The following CACNA2D2 variants were observed in gnomAD, a reference collection of about 807,000 sequenced individuals.
The protein encoded by CACNA2D2 is voltage-dependent calcium channel subunit alpha-2/delta-2.
CACNA2D2 carries 48 observed loss-of-function variants against 166.4 expected under a neutral mutation model. That is an observed-to-expected ratio of 0.29 (90% CI 0.23 to 0.37). CACNA2D2 has a LOEUF of 0.37. Among genes scored for constraint, CACNA2D2 ranks in the 10% least tolerant of loss-of-function variants. The probability of loss-of-function intolerance (pLI) is 1.00; values close to 1 mark genes in which losing one functional copy is unlikely to be tolerated. For missense variants in CACNA2D2, 1,122 were observed against 1,433.0 expected (o/e 0.78, Z 3.50); for synonymous variants, 561 against 573.7 (o/e 0.98, Z 0.32).
chr3:50,384,309 C>T lies in CACNA2D2; in HGVS notation c.539G>A (p.Arg180Lys), dbSNP rs1253225503. ...CCTTAGGGTGCTGGCCTTAGACCCC[C>T]TTTCCACATCCTCACTCTCAGGGTC... ...LDDPESEDVERGSKASTLRLD... is the reference protein window; with the variant it reads ...LDDPESEDVEKGSKASTLRLD... Residue 180 changes from arginine (R) to lysine (K), a missense_variant, in exon 6 of 38, where the codon AGG becomes AAG. By Grantham distance (26) the Arg-to-Lys change is conservative. Transcript: ENST00000424201. 1.2e-6 allele frequency: 2 copies of T among 1,614,134 alleles called. No individual in the cohort carries two copies. Among genetic ancestry groups the T allele is most frequent in the South Asian group, 1.1e-5 (1 of 91,088 alleles).
intron 1 of CACNA2D2, among the ~76,000 whole-genome samples, chr3:50,499,712 T>A (rs1322341981): frequency 2.0e-5 from 3 of 152,192 alleles, no homozygotes; most frequent in Non-Finnish European, 2.9e-5. Flanking sequence ...TACTCTGGAG[T>A]CAGTCTCTCC....
intron 13 of CACNA2D2, 73 bp downstream of exon 13, chr3:50,378,842 G>T: frequency 2.6e-6 from 4 of 1,547,772 alleles, no homozygotes; most frequent in Non-Finnish European, 3.6e-6. Flanking sequence ...CATATGGATG[G>T]CCAGTTGAAC....
chr3:50,422,258 C>T (rs542298771), intron 3 of CACNA2D2, among the ~76,000 whole-genome samples: 2 of 152,150 alleles, frequency 1.3e-5, no homozygotes, highest in Non-Finnish European at 2.9e-5. Context: ...AACTGCCCAC[C>T]CCAGTTCAGA....
intron 4 of CACNA2D2, among the ~76,000 whole-genome samples, chr3:50,387,817 G>A (rs899746033): frequency 6.6e-5 from 10 of 152,168 alleles, no homozygotes; most frequent in African/African-American, 2.4e-4. Context: ...CCCTGCACAG[G>A]CTCCAGGAGC....
intron 1 of CACNA2D2, among the ~76,000 whole-genome samples, chr3:50,489,693 C>T (rs552742603): frequency 3.7e-4 from 57 of 152,278 alleles, no homozygotes; most frequent in Admixed American, 1.3e-4. Flanking sequence ...CTACTCAACT[C>T]CTGCCCCTTA....
chr3:50,414,200 T>C (rs1275493475), intron 3 of CACNA2D2, among the ~76,000 whole-genome samples: 1 of 151,778 alleles, frequency 6.6e-6, no homozygotes, highest in African/African-American at 2.4e-5. Flanking sequence ...CAGCACACAG[T>C]CATGCCCAAC....
rs10575478 is a variant in CACNA2D2 at position 50,363,466 on chromosome 3, C to CTGTGTGTGTGTG, written c.*1188_*1199dup. 7 of 310,104 alleles carry CTGTGTGTGTGTG rather than the reference C, an allele frequency of 2.3e-5. No homozygotes were observed. Among genetic ancestry groups the CTGTGTGTGTGTG allele is most frequent in the African/African-American group, 1.8e-4 (7 of 39,594 alleles). 19.2% of individuals were successfully genotyped at this position (310,104 alleles called of 1,614,324 possible). On this transcript the variant is annotated 3_prime_UTR_variant, in exon 38 of 38. Transcript: ENST00000424201. ...GTGAAGAGCTGTGCCCAGTCCCCAC[C>CTGTGTGTGTGTG]TGTGTGTGTGTGTGTGTGTGTGTGT...
chr3:50,425,320 C>T (rs1707755771), intron 3 of CACNA2D2, among the ~76,000 whole-genome samples: 1 of 152,188 alleles, frequency 6.6e-6, no homozygotes, highest in South Asian at 2.1e-4. Context: ...GGGAACTCTA[C>T]TAAGATGCCT....
Position 50,378,071 on chromosome 3 carries a change from G to A in CACNA2D2, c.1416C>T (p.Pro472=). The A allele has an allele frequency of 6.2e-7, 1 of 1,613,626 alleles. No individual in the cohort carries two copies. Among genetic ancestry groups the A allele is most frequent in the East Asian group, 2.2e-5 (1 of 44,890 alleles). ...TQEYLDVLGR[P]MVLAGKEAKQ... is the part of the protein sequence containing the mutation. ...TGGCCTCCTTGCCTGCCAGCACCAT[G>A]GGCCTGCCCAACACATCTAGATATT... is the stretch of plus-strand genomic sequence containing the variant. Residue 472 remains proline (P), a synonymous_variant, in exon 15 of 38, where the codon CCC becomes CCT. Coordinates refer to ENST00000424201, the MANE Select transcript of CACNA2D2 (RefSeq NM_006030.4).
Position 50,384,271 on chromosome 3 carries a change from C to T in CACNA2D2, c.577G>A (p.Glu193Lys), listed in dbSNP as rs587610576. The change falls in exon 6 of 38, where the codon GAG becomes AAG. Residue 193 changes from glutamate to lysine, a missense_variant. Coordinates refer to ENST00000424201, the MANE Select transcript of CACNA2D2 (RefSeq NM_006030.4). ...KASTLRLDFI[E>K]DPNFKNKVNY... ...ACCTTGTTCTTGAAGTTTGGGTCCTCGATGAAGTCCAGCCTTAGGGTGCTG... is the reference window on the plus strand; with the variant it reads ...ACCTTGTTCTTGAAGTTTGGGTCCTTGATGAAGTCCAGCCTTAGGGTGCTG... 6.4e-5 allele frequency: 104 copies of T among 1,614,150 alleles called. No homozygotes were observed. Among genetic ancestry groups the T allele is most frequent in the Non-Finnish European group, 8.3e-5 (98 of 1,180,006 alleles).
chr3:50,451,434 G>C (rs952541674), intron 2 of CACNA2D2, among the ~76,000 whole-genome samples: 2 of 152,142 alleles, frequency 1.3e-5, no homozygotes, highest in Non-Finnish European at 2.9e-5. Flanking sequence ...CCCAGGGGCT[G>C]TTTTAAGGCC....
intron 2 of CACNA2D2, among the ~76,000 whole-genome samples, chr3:50,464,204 C>T (rs1008929461): frequency 1.3e-5 from 2 of 152,238 alleles, no homozygotes; most frequent in South Asian, 2.1e-4. Flanking sequence ...CTACATCCCA[C>T]GTTTACTGGG....
At position 50,365,778 on chromosome 3, in the gene CACNA2D2, C is replaced by T. The variant is rs1332798111; in HGVS notation, c.2915+32G>A. On this transcript the variant is annotated intron_variant, in intron 33 of 37. Coordinates refer to ENST00000424201, the MANE Select transcript of CACNA2D2 (RefSeq NM_006030.4). The surrounding 1 kb of genome is among the most constrained non-coding windows in gnomAD (Gnocchi z 4.5). ...TCTGAGCCCTCCCGGCCAGGGAGCA[C>T]CTTCTCTACCCACCTCCCGCTCAGG... 1.2e-6 allele frequency: 2 copies of T among 1,613,140 alleles called. No homozygotes were observed. Among genetic ancestry groups the T allele is most frequent in the Non-Finnish European group, 1.7e-6 (2 of 1,179,900 alleles).
chr3:50,413,274 AG>A (rs1707111831), intron 3 of CACNA2D2, among the ~76,000 whole-genome samples: 2 of 150,666 alleles, frequency 1.3e-5, no homozygotes, highest in South Asian at 4.2e-4. Flanking sequence ...GCCTTGTCTC[AG>A]GGCTCAGGAA....
In CACNA2D2 at chr3:50,503,215, T is replaced by TA; in HGVS notation, c.206+2dup. The TA allele has an allele frequency of 8.4e-7, 1 of 1,188,638 alleles. No individual in the cohort carries two copies. Among genetic ancestry groups the TA allele is most frequent in the Non-Finnish European group, 1.0e-6 (1 of 959,282 alleles). The allele number at this position is 1,188,638 out of a possible 1,614,324, so 73.6% of individuals were successfully genotyped here. ...GGTCTCGCGGCCGGCCGAGGCCACTTACGTGTGCTGCTGGGGGAAGCTGTA... is the reference window on the plus strand; with the variant it reads ...GGTCTCGCGGCCGGCCGAGGCCACTTAACGTGTGCTGCTGGGGGAAGCTGTA... On this transcript the variant is annotated splice_region_variant and intron_variant, in intron 1 of 37. Coordinates refer to ENST00000424201, the MANE Select transcript of CACNA2D2 (RefSeq NM_006030.4).
intron 2 of CACNA2D2, among the ~76,000 whole-genome samples, chr3:50,453,964 C>T (rs2106968312): frequency 6.6e-6 from 1 of 152,180 alleles, no homozygotes; most frequent in Middle Eastern, 3.4e-3. Context: ...TCTGTTCTGC[C>T]CTGCCCCCGC....
intron 3 of CACNA2D2, among the ~76,000 whole-genome samples, chr3:50,429,343 G>A (rs766563426): frequency 1.3e-5 from 2 of 152,076 alleles, no homozygotes; most frequent in East Asian, 1.9e-4. Context: ...CCAGCGACCT[G>A]TGTGAGGATT....
chr3:50,489,599 T>C (rs1220571776), intron 1 of CACNA2D2, among the ~76,000 whole-genome samples: 1 of 129,734 alleles, frequency 7.7e-6, no homozygotes, highest in Non-Finnish European at 1.6e-5. Context: ...GCGGTGGGGC[T>C]GCCGGGAGCC....
rs1406591522 is a variant in CACNA2D2 at position 50,363,744 on chromosome 3, G to A, written c.*922C>T. The A allele has an allele frequency of 6.5e-6, 1 of 154,350 alleles. No homozygotes were observed. The highest frequency in any genetic ancestry group is 2.1e-4 in the South Asian group (1 of 4,848). 9.6% of individuals were successfully genotyped at this position (154,350 alleles called of 1,614,324 possible). On this transcript the variant is annotated 3_prime_UTR_variant, in exon 38 of 38. Transcript: ENST00000424201. ...GACACTAGTGAGAAATGGTTACAATGAGCACCTGGAGAGGTGAGGGGGCAC... is the reference window on the plus strand; with the variant it reads ...GACACTAGTGAGAAATGGTTACAATAAGCACCTGGAGAGGTGAGGGGGCAC...
Sources: allele counts gnomAD v4.1 joint callset (sites outside exome capture counted in the v4.1 genomes callset), GRCh38; gene constraint gnomAD v4.1.1; non-coding constraint Gnocchi (gnomAD v3.1); transcripts MANE v1.5; gene names NCBI Gene and HGNC (gene_info 2026-07-23, HGNC 2026-07-21).